The following LIN28B variants were observed in gnomAD, a reference collection of about 807,000 sequenced individuals.
LIN28B encodes the protein lin-28 RNA binding posttranscriptional regulator B.
A neutral mutation model predicts 21.9 loss-of-function variants in LIN28B; 5 were observed. The ratio of observed to expected loss-of-function variants is 0.23; its 90% CI spans 0.12 to 0.48. LIN28B has a LOEUF of 0.48. Among genes scored for constraint, LIN28B ranks in the 20% least tolerant of loss-of-function variants. The pLI is 0.98. For synonymous variants in LIN28B, 109 were observed against 111.3 expected (o/e 0.98, Z 0.13); for missense variants, 245 against 310.5 (o/e 0.79, Z 1.58).
At chr6:104,968,751 T>C (rs1769914609) in intron 2 of LIN28B, among the ~76,000 whole-genome samples, 1 of 152,204 alleles carries the variant, frequency 6.6e-6, no homozygotes, top group Non-Finnish European at 1.5e-5. Flanking sequence ...AATAGAATGT[T>C]CCCAGATCCT....
intron 2 of LIN28B, among the ~76,000 whole-genome samples, chr6:105,003,773 A>C (rs2114295337): frequency 6.6e-6 from 1 of 152,242 alleles, no homozygotes; most frequent in South Asian, 2.1e-4. Context: ...GGCCTCCCAA[A>C]GTGCTGGGAT....
intron 3 of LIN28B, among the ~76,000 whole-genome samples, chr6:105,062,396 C>T (rs1199333026): frequency 6.6e-6 from 1 of 152,118 alleles, no homozygotes; most frequent in East Asian, 1.9e-4. Flanking sequence ...ATTTTATTAG[C>T]CATTGCTATA....
chr6:105,033,403 A>T (rs1771463986), intron 3 of LIN28B, among the ~76,000 whole-genome samples: 1 of 152,082 alleles, frequency 6.6e-6, no homozygotes, highest in Non-Finnish European at 1.5e-5. Context: ...CTGTGGCAAA[A>T]AAAATGTAAA....
chr6:105,042,751 G>A (rs1251734452), intron 3 of LIN28B, among the ~76,000 whole-genome samples: 1 of 152,014 alleles, frequency 6.6e-6, no homozygotes, highest in East Asian at 1.9e-4. Flanking sequence ...GTCAGTGGGA[G>A]CCAGGTTTTC....
upstream of LIN28B, among the ~76,000 whole-genome samples, chr6:104,955,067 C>G (rs1778268477): frequency 3.9e-5 from 6 of 152,034 alleles, no homozygotes; most frequent in South Asian, 1.2e-3. Flanking sequence ...TCCTCTTATA[C>G]CAGATGTTGA....
chr6:105,054,090 A>T (rs1771975762), intron 3 of LIN28B, among the ~76,000 whole-genome samples: 1 of 152,154 alleles, frequency 6.6e-6, no homozygotes, highest in South Asian at 2.1e-4. Flanking sequence ...TGTGACTTAT[A>T]TTTAAAATAT....
intron 2 of LIN28B, among the ~76,000 whole-genome samples, chr6:104,969,341 C>T (rs539907387): frequency 1.3e-5 from 2 of 152,100 alleles, no homozygotes; most frequent in South Asian, 2.1e-4. Context: ...GGTTGCAGGC[C>T]CACTTGATCA....
chr6:105,051,552 TC>T (rs1771906910), intron 3 of LIN28B, among the ~76,000 whole-genome samples: 1 of 152,024 alleles, frequency 6.6e-6, no homozygotes. Flanking sequence ...TTTTTAAGTT[TC>T]AAATAAATCT....
At chr6:104,949,503 T>TC (rs1309604829) in intron 2 of LIN28B, among the ~76,000 whole-genome samples, 4 of 152,214 alleles carry the variant, frequency 2.6e-5, no homozygotes, top group African/African-American at 9.6e-5. Context: ...TGGAAAAGTC[T>TC]CCATTTCCTT....
intron 3 of LIN28B, among the ~76,000 whole-genome samples, chr6:105,057,692 A>G (rs1174587114): frequency 1.3e-5 from 2 of 152,194 alleles, no homozygotes; most frequent in Non-Finnish European, 2.9e-5. Context: ...TTTTACCACT[A>G]TATTTTAAAA....
chr6:105,001,047 C>A (rs1033552549), intron 2 of LIN28B, among the ~76,000 whole-genome samples: 1 of 152,164 alleles, frequency 6.6e-6, no homozygotes. Flanking sequence ...TTAAAATCAT[C>A]TTGTTAGAAG....
At chr6:105,016,022 T>G (rs1771019285) in intron 2 of LIN28B, among the ~76,000 whole-genome samples, 1 of 152,176 alleles carries the variant, frequency 6.6e-6, no homozygotes, top group Admixed American at 6.6e-5. Context: ...TAAGATCTAC[T>G]TGAAATATAG....
chr6:105,003,008 GGC>G (rs1448848276), intron 2 of LIN28B, among the ~76,000 whole-genome samples: 17 of 152,094 alleles, frequency 1.1e-4, no homozygotes, highest in African/African-American at 3.4e-4. Context: ...TAAGACTTCG[GGC>G]AGGTTAATTT....
chr6:104,964,668 T>C (rs1191972419), intron 2 of LIN28B, among the ~76,000 whole-genome samples: 1 of 152,194 alleles, frequency 6.6e-6, no homozygotes, highest in Non-Finnish European at 1.5e-5. Context: ...ATAACAGTAA[T>C]GTGTTTAAGA....
intron 2 of LIN28B, among the ~76,000 whole-genome samples, chr6:104,995,657 C>T (rs1180891633): frequency 6.6e-6 from 1 of 152,162 alleles, no homozygotes. Context: ...TAGTGACATA[C>T]TTTCTTCATA....
At chr6:105,043,341 C>CAAAAAAAAAAAA (rs57532096) in intron 3 of LIN28B, among the ~76,000 whole-genome samples, 2 of 75,384 alleles carry the variant, frequency 2.7e-5, no homozygotes, top group African/African-American at 7.2e-5. Context: ...GACTCTGTCT[C>CAAAAAAAAAAAA]AAAAAAAAAA....
intron 2 of LIN28B, among the ~76,000 whole-genome samples, chr6:105,024,241 C>A (rs1404222170): frequency 6.6e-6 from 1 of 152,186 alleles, no homozygotes; most frequent in Non-Finnish European, 1.5e-5. Context: ...ATCTGCCCGC[C>A]TTGGCCTCCC....
At chr6:104,954,026 A>G (rs1207561740), upstream of LIN28B, among the ~76,000 whole-genome samples, 1 of 152,188 alleles carries the variant, frequency 6.6e-6, no homozygotes, top group African/African-American at 2.4e-5. Context: ...GTGATAGCCA[A>G]CAGGCATATG....
chr6:104,965,965 C>G (rs924742520), intron 2 of LIN28B, among the ~76,000 whole-genome samples: 2 of 151,976 alleles, frequency 1.3e-5, no homozygotes, highest in Admixed American at 6.6e-5. Flanking sequence ...TATTCAAATC[C>G]CAGTTTATTA....
Sources: allele counts gnomAD v4.1 joint callset (sites outside exome capture counted in the v4.1 genomes callset), GRCh38; gene constraint gnomAD v4.1.1; transcripts MANE v1.5; gene names NCBI Gene and HGNC (gene_info 2026-07-23, HGNC 2026-07-21).